The following SHROOM3 variants were observed in gnomAD, a reference collection of about 807,000 sequenced individuals.
SHROOM3 encodes the protein shroom family member 3.
A neutral mutation model predicts 138.6 loss-of-function variants in SHROOM3; 47 were observed. The ratio of observed to expected loss-of-function variants is 0.34; its 90% CI spans 0.27 to 0.43. The LOEUF is 0.43. SHROOM3 is among the 20% of genes least tolerant of loss of function. The probability of loss-of-function intolerance (pLI) is 1.00; values close to 1 mark genes in which losing one functional copy is unlikely to be tolerated. For missense variants in SHROOM3, 2,491 were observed against 2,596.5 expected (o/e 0.96, Z 0.88); for synonymous variants, 1,062 against 1,063.3 (o/e 1.00, Z 0.02).
At chr4:76,684,595 AG>A (rs1325098775) in intron 2 of SHROOM3, among the ~76,000 whole-genome samples, 1 of 152,166 alleles carries the variant, frequency 6.6e-6, no homozygotes, top group Admixed American at 6.5e-5. Context: ...TCGGGATAAT[AG>A]CCAGGATGCA....
intron 1 of SHROOM3, among the ~76,000 whole-genome samples, chr4:76,441,824 G>A (rs1730697607): frequency 6.6e-6 from 1 of 152,204 alleles, no homozygotes; most frequent in Non-Finnish European, 1.5e-5. Flanking sequence ...CTGGGTTCAA[G>A]CGATTCTCCT....
intron 2 of SHROOM3, among the ~76,000 whole-genome samples, chr4:76,667,966 CAAAAAAAAAAAAA>C (rs747974205): frequency 4.8e-5 from 3 of 62,554 alleles, no homozygotes; most frequent in Admixed American, 4.3e-4. Flanking sequence ...GACTCCCTCT[CAAAAAAAAAAAAA>C]AAAAAAAAAA....
intron 2 of SHROOM3, among the ~76,000 whole-genome samples, chr4:76,688,086 A>T (rs1719392491): frequency 6.6e-6 from 1 of 152,192 alleles, no homozygotes; most frequent in Admixed American, 6.5e-5. Flanking sequence ...CCCAAACAAG[A>T]TTGCCACAGG....
At chr4:76,534,126 T>C (rs1308280662) in intron 1 of SHROOM3, among the ~76,000 whole-genome samples, 1 of 152,226 alleles carries the variant, frequency 6.6e-6, no homozygotes, top group African/African-American at 2.4e-5. Flanking sequence ...AGGCATGCCA[T>C]GAGGTAGCCT....
intron 1 of SHROOM3, among the ~76,000 whole-genome samples, chr4:76,521,297 C>CG (rs1440513538): frequency 7.2e-5 from 11 of 151,914 alleles, no homozygotes; most frequent in Non-Finnish European, 1.6e-4. Flanking sequence ...TGTGTGTGCG[C>CG]ACATATGTGT....
chr4:76,542,526 A>G (rs1216144658), intron 1 of SHROOM3, among the ~76,000 whole-genome samples: 1 of 152,224 alleles, frequency 6.6e-6, no homozygotes. Context: ...GAAGCAGGAG[A>G]GTCAGTGTCA....
chr4:76,740,156 C>A lies in SHROOM3; in HGVS notation c.1983C>A (p.Ala661=), dbSNP rs146547007. ...GCAACTTTGGCAAGACCAAGTCAGCCTTCTCATCTCTCCAGAACATTCCTG... is the reference window on the plus strand; with the variant it reads ...GCAACTTTGGCAAGACCAAGTCAGCATTCTCATCTCTCCAGAACATTCCTG... ...LSGNFGKTKS[A]FSSLQNIPES... is the part of the protein sequence containing the mutation. The change falls in exon 5 of 11, where the codon GCC becomes GCA. Residue 661 remains alanine, a synonymous_variant. Coordinates refer to ENST00000296043, the MANE Select transcript of SHROOM3 (RefSeq NM_020859.4). This position sits in a 1 kb window ranked among gnomAD's most constrained non-coding sequence, Gnocchi z 4.0. 2 of 1,613,818 alleles carry A rather than the reference C, an allele frequency of 1.2e-6. No homozygotes were observed. Among genetic ancestry groups the A allele is most frequent in the Non-Finnish European group, 1.7e-6 (2 of 1,180,022 alleles).
intron 2 of SHROOM3, among the ~76,000 whole-genome samples, chr4:76,647,387 GTA>G (rs1388759838): frequency 6.6e-6 from 1 of 152,078 alleles, no homozygotes; most frequent in Non-Finnish European, 1.5e-5. Flanking sequence ...AATGTATTGT[GTA>G]TTTCACAGTA....
chr4:76,589,671 ACT>A (rs1454469129), intron 2 of SHROOM3, among the ~76,000 whole-genome samples: 1 of 152,112 alleles, frequency 6.6e-6, no homozygotes, highest in Non-Finnish European at 1.5e-5. Flanking sequence ...CTACCAGTAG[ACT>A]CTGCCCACTA....
At chr4:76,597,422 G>C (rs1043335444) in intron 2 of SHROOM3, among the ~76,000 whole-genome samples, 1 of 152,184 alleles carries the variant, frequency 6.6e-6, no homozygotes, top group Non-Finnish European at 1.5e-5. Context: ...GAGACATTGA[G>C]ACTGTCATTC....
At chr4:76,597,648 T>C (rs1289995830) in intron 2 of SHROOM3, among the ~76,000 whole-genome samples, 1 of 152,130 alleles carries the variant, frequency 6.6e-6, no homozygotes, top group East Asian at 1.9e-4. Flanking sequence ...ACAGATCTAT[T>C]AGTGAACTTG....
At chr4:76,697,048 C>T (rs1033197119) in intron 2 of SHROOM3, among the ~76,000 whole-genome samples, 1 of 151,808 alleles carries the variant, frequency 6.6e-6, no homozygotes, top group African/African-American at 2.4e-5. Context: ...TCCTGAGTAA[C>T]TAGGACCACA....
At chr4:76,639,031 C>G (rs1472763587) in intron 2 of SHROOM3, 1 of 151,546 alleles carries the variant, frequency 6.6e-6, no homozygotes, top group African/African-American at 2.4e-5. Context: ...CGTGTAGATA[C>G]CGAAGTGAGC....
chr4:76,587,543 T>TA (rs1381305492), intron 2 of SHROOM3, among the ~76,000 whole-genome samples: 1 of 152,210 alleles, frequency 6.6e-6, no homozygotes, highest in Admixed American at 6.5e-5. Flanking sequence ...AAATCTGTGC[T>TA]AATCATCCTC....
chr4:76,580,169 T>A (rs1734019874), intron 2 of SHROOM3, among the ~76,000 whole-genome samples: 1 of 152,252 alleles, frequency 6.6e-6, no homozygotes, highest in Non-Finnish European at 1.5e-5. Flanking sequence ...GGCTAATTGC[T>A]TGACAACCTC....
intron 2 of SHROOM3, among the ~76,000 whole-genome samples, chr4:76,686,448 T>A (rs1719340309): frequency 6.6e-6 from 1 of 152,224 alleles, no homozygotes; most frequent in African/African-American, 2.4e-5. Flanking sequence ...ATAGTCTTTT[T>A]AAATATACAA....
intron 1 of SHROOM3, among the ~76,000 whole-genome samples, chr4:76,524,520 C>G (rs185846823): frequency 6.6e-6 from 1 of 152,156 alleles, no homozygotes; most frequent in African/African-American, 2.4e-5. Flanking sequence ...AGTCTTGGTT[C>G]GAATGTTATC....
chr4:76,542,011 A>T (rs1040818205), intron 1 of SHROOM3, among the ~76,000 whole-genome samples: 2 of 148,252 alleles, frequency 1.3e-5, no homozygotes, highest in Non-Finnish European at 3.0e-5. Context: ...GTGTTATTTC[A>T]TTTCCTACCT....
chr4:76,737,442 C>T lies in SHROOM3; in HGVS notation c.588-1319C>T, dbSNP rs116200698. On this transcript the variant is annotated intron_variant, in intron 4 of 10. Transcript: ENST00000296043. The stretch of plus-strand genomic sequence containing the variant: ...AGTTTTCAGTTCCAGTGGATAAATG[C>T]CAGGGAATGTGATCACTGGATCTTA... 7.4e-3 allele frequency among the ~76,000 whole-genome samples: 1,125 copies of T among 152,160 alleles called. 13 individuals carry two copies. Among genetic ancestry groups the T allele is most frequent in the African/African-American group, 0.025 (1,053 of 41,510 alleles).
Sources: allele counts gnomAD v4.1 joint callset (sites outside exome capture counted in the v4.1 genomes callset), GRCh38; gene constraint gnomAD v4.1.1; non-coding constraint Gnocchi (gnomAD v3.1); transcripts MANE v1.5; gene names NCBI Gene and HGNC (gene_info 2026-07-23, HGNC 2026-07-21).